The following PEAK1 variants were observed in gnomAD, a reference collection of about 807,000 sequenced individuals.
PEAK1 encodes the protein pseudopodium enriched atypical kinase 1.
PEAK1 carries 54 observed loss-of-function variants against 124.7 expected under a neutral mutation model. That is an observed-to-expected ratio of 0.43 (90% CI 0.35 to 0.54). PEAK1 has a LOEUF of 0.54. Among genes scored for constraint, PEAK1 ranks in the 20% least tolerant of loss-of-function variants. The pLI is 0.01. For synonymous variants in PEAK1, 719 were observed against 760.0 expected (o/e 0.95, Z 0.89); for missense variants, 2,046 against 2,134.5 (o/e 0.96, Z 0.82).
chr15:77,404,098 A>G, intron 1 of PEAK1: 1 of 985,096 alleles, frequency 1.0e-6, no homozygotes, highest in Admixed American at 6.1e-5. Flanking sequence ...TAATATATCC[A>G]GTAGGCCTTT....
At chr15:77,165,947 T>G (rs1567053692) in intron 7 of PEAK1, among the ~76,000 whole-genome samples, 1 of 152,166 alleles carries the variant, frequency 6.6e-6, no homozygotes, top group Non-Finnish European at 1.5e-5. Flanking sequence ...ACCACACTGT[T>G]AAGATAAGGC....
chr15:77,224,475 T>C (rs2059540138), intron 6 of PEAK1, among the ~76,000 whole-genome samples: 1 of 152,076 alleles, frequency 6.6e-6, no homozygotes, highest in African/African-American at 2.4e-5. Flanking sequence ...AGAGGGCTGA[T>C]TTGTCTCTGA....
At chr15:77,409,857 G>A (rs937557732) in intron 1 of PEAK1, among the ~76,000 whole-genome samples, 11 of 152,230 alleles carry the variant, frequency 7.2e-5, no homozygotes, top group African/African-American at 2.4e-4. Context: ...GTAAGTACAA[G>A]TATTATCCTT....
chr15:77,341,576 G>C (rs184198434), intron 2 of PEAK1, among the ~76,000 whole-genome samples: 3 of 152,006 alleles, frequency 2.0e-5, no homozygotes, highest in Non-Finnish European at 4.4e-5. Flanking sequence ...AGGCATGATT[G>C]TTCAAATCAT....
chr15:77,203,710 C>CAA lies in PEAK1; in HGVS notation c.-114-21672_-114-21671dup, dbSNP rs34002668. 6.2e-3 allele frequency among the ~76,000 whole-genome samples: 774 copies of CAA among 124,312 alleles called. 5 individuals carry two copies. Among genetic ancestry groups the CAA allele is most frequent in the African/African-American group, 0.021 (709 of 33,506 alleles). 81.6% of individuals were successfully genotyped at this position (124,312 alleles called of 152,430 possible). On this transcript the variant is annotated intron_variant, in intron 6 of 9. Coordinates refer to ENST00000682557, the MANE Select transcript of PEAK1 (RefSeq NM_001385026.1). The stretch of plus-strand genomic sequence containing the variant: ...AATGGTACTGAAACAACTGGACATC[C>CAA]AAAAAAAAAAAAAAAATCTCAATAC...
At chr15:77,160,631 G>C (rs1312284573) in intron 7 of PEAK1, among the ~76,000 whole-genome samples, 2 of 152,048 alleles carry the variant, frequency 1.3e-5, no homozygotes, top group East Asian at 3.9e-4. Context: ...AGCCGAGATC[G>C]TGCCACTGCG....
chr15:77,155,759 T>C, intron 8 of PEAK1: 1 of 152,594 alleles, frequency 6.6e-6, no homozygotes, highest in Non-Finnish European at 1.5e-5. Flanking sequence ...CTCTAGACCC[T>C]TTTTGCCTGG....
At chr15:77,269,268 A>G (rs915963374) in intron 5 of PEAK1, among the ~76,000 whole-genome samples, 1 of 152,192 alleles carries the variant, frequency 6.6e-6, no homozygotes, top group African/African-American at 2.4e-5. Flanking sequence ...GCTGTCTTCA[A>G]GAGACTCACC....
intron 2 of PEAK1, among the ~76,000 whole-genome samples, chr15:77,363,021 A>G (rs1334164829): frequency 6.6e-6 from 1 of 152,022 alleles, no homozygotes; most frequent in East Asian, 1.9e-4. Flanking sequence ...ACACCCAGCT[A>G]AATTTTGTAG....
At chr15:77,282,859 C>A (rs2062740342) in intron 5 of PEAK1, among the ~76,000 whole-genome samples, 2 of 151,876 alleles carry the variant, frequency 1.3e-5, no homozygotes, top group African/African-American at 2.4e-5. Flanking sequence ...AAAACAAAAA[C>A]CAAAAAATTA....
intron 1 of PEAK1, among the ~76,000 whole-genome samples, chr15:77,383,076 G>GT (rs2069619531): frequency 6.9e-6 from 1 of 145,434 alleles, no homozygotes; most frequent in African/African-American, 2.6e-5. Context: ...AGGCTGGAGC[G>GT]TAAGTGGTAT....
chr15:77,168,135 C>A (rs982277741), intron 7 of PEAK1, among the ~76,000 whole-genome samples: 1 of 152,066 alleles, frequency 6.6e-6, no homozygotes, highest in African/African-American at 2.4e-5. Context: ...AAGCTTCTAA[C>A]TGAATTTTCC....
chr15:77,210,610 T>G (rs1233528582), intron 6 of PEAK1, among the ~76,000 whole-genome samples: 3 of 152,234 alleles, frequency 2.0e-5, no homozygotes, highest in African/African-American at 7.2e-5. Context: ...CTGGGCGCAG[T>G]GGCTCACGCC....
intron 6 of PEAK1, among the ~76,000 whole-genome samples, chr15:77,205,623 C>T (rs574519648): frequency 6.6e-6 from 1 of 152,128 alleles, no homozygotes; most frequent in South Asian, 2.1e-4. Context: ...GTCCTGTTTC[C>T]CTAATAACTG....
At chr15:77,297,696 T>C (rs1301303600) in intron 2 of PEAK1, among the ~76,000 whole-genome samples, 1 of 144,660 alleles carries the variant, frequency 6.9e-6, no homozygotes, top group Non-Finnish European at 1.5e-5. Context: ...GAGGCAGAGG[T>C]TGCAGTGAGC....
chr15:77,408,243 C>G (rs1349966826), intron 1 of PEAK1, among the ~76,000 whole-genome samples: 1 of 151,408 alleles, frequency 6.6e-6, no homozygotes, highest in Non-Finnish European at 1.5e-5. Flanking sequence ...TGGCAGCAAC[C>G]TGGATGGAAT....
chr15:77,248,793 A>G (rs1010826966), intron 6 of PEAK1, among the ~76,000 whole-genome samples: 1 of 148,194 alleles, frequency 6.7e-6, no homozygotes, highest in Non-Finnish European at 1.5e-5. Flanking sequence ...ACACATTATT[A>G]CTACTATATT....
chr15:77,110,312 C>G lies in PEAK1; in HGVS notation c.*3844G>C, dbSNP rs1469312041. On this transcript the variant is annotated 3_prime_UTR_variant, in exon 10 of 10. Coordinates refer to ENST00000682557, the MANE Select transcript of PEAK1 (RefSeq NM_001385026.1). ...TTCACCATGTTGGCCAGGCTGGTCT[C>G]AAACTCCTGACCTCAGGTGATCTGC... is the stretch of plus-strand genomic sequence containing the variant. 1.3e-5 allele frequency: 2 copies of G among 152,228 alleles called. No homozygotes were observed. Among genetic ancestry groups the G allele is most frequent in the African/African-American group, 4.8e-5 (2 of 41,440 alleles). 9.4% of individuals were successfully genotyped at this position (152,228 alleles called of 1,614,324 possible).
Position 77,233,888 on chromosome 15 carries a change from T to C in PEAK1, c.-115+18479A>G, listed in dbSNP as rs115955055. Reference sequence around the variant, plus strand: ...AAACCTCTCTTTTTTTTGAAAGACATAGGGTCTCACTTTGTTGCCCAGGCT... The same window carrying C: ...AAACCTCTCTTTTTTTTGAAAGACACAGGGTCTCACTTTGTTGCCCAGGCT... On this transcript the variant is annotated intron_variant, in intron 6 of 9. Coordinates refer to ENST00000682557, the MANE Select transcript of PEAK1 (RefSeq NM_001385026.1). Among the ~76,000 whole-genome samples the C allele has an allele frequency of 7.3e-3, 1,119 of 152,268 alleles. 15 individuals are homozygous for C. Among genetic ancestry groups the C allele is most frequent in the African/African-American group, 0.025 (1,057 of 41,554 alleles).
Sources: allele counts gnomAD v4.1 joint callset (sites outside exome capture counted in the v4.1 genomes callset), GRCh38; gene constraint gnomAD v4.1.1; transcripts MANE v1.5; gene names NCBI Gene and HGNC (gene_info 2026-07-23, HGNC 2026-07-21).